PCDHA11: variants seen among roughly 807,000 people sequenced by gnomAD.
PCDHA11 encodes the protein protocadherin alpha-11.
Under a neutral mutation model 70.3 loss-of-function variants are expected in PCDHA11, and 61 were observed. The ratio of observed to expected loss-of-function variants is 0.87; its 90% CI spans 0.71 to 1.07. The LOEUF (loss-of-function observed/expected upper bound fraction) is 1.07. Ranked by LOEUF, PCDHA11 falls within the 50% of genes least tolerant of loss-of-function variation. The pLI, the probability that PCDHA11 is intolerant of heterozygous loss-of-function variation, is 0.00. For synonymous variants in PCDHA11, 633 were observed against 555.1 expected (o/e 1.14, Z -1.97); for missense variants, 1,324 against 1,237.5 (o/e 1.07, Z -1.05).
rs1554163904 is a variant in PCDHA11 at position 140,870,206 on chromosome 5, T to G, written c.1103T>G (p.Ile368Ser). ...GAGGACGCTCAGCCCAGCACGGTCA[T>G]TGCCCTGATCAGCGTGTCTGACCGT... The part of the protein sequence containing the change: ...VREDAQPSTV[I>S]ALISVSDRDS... The change falls in exon 1 of 4, where the codon ATT becomes AGT. Residue 368 changes from isoleucine to serine, a missense_variant. Transcript: ENST00000398640. The G allele has an allele frequency of 1.2e-6, 2 of 1,614,182 alleles. No individual in the cohort carries two copies. The highest frequency in any genetic ancestry group is 3.3e-5 in the Admixed American group (2 of 60,032).
rs1160091003 is a variant in PCDHA11, at chr5:140,870,699, C to T, written c.1596C>T (p.Phe532=). ...ACGAGGAGCTGGAGCTGCTACAGTTCCAGGTGAGCGCGCGCGATGCGGGCG... is the reference window on the plus strand; with the variant it reads ...ACGAGGAGCTGGAGCTGCTACAGTTTCAGGTGAGCGCGCGCGATGCGGGCG... The part of the protein sequence containing the change: ...LDHEELELLQ[F]QVSARDAGVP... The change falls in exon 1 of 4, where the codon TTC becomes TTT. Residue 532 remains phenylalanine, a synonymous_variant. Coordinates refer to ENST00000398640, the MANE Select transcript of PCDHA11 (RefSeq NM_018902.5). 1 of 1,613,004 alleles carries T rather than the reference C, an allele frequency of 6.2e-7. No individual in the cohort carries two copies.
In PCDHA11 at chr5:140,924,908, AAAT is replaced by A. The variant is rs1554202345; in HGVS notation, c.2391+53417_2391+53419del. ...AGAACCTGTCTCAAAAAAAAAAATA[AAAT>A]AAAATAAAATAAAATAAAATAAAAT... On this transcript the variant is annotated intron_variant, in intron 1 of 3. Coordinates refer to ENST00000398640, the MANE Select transcript of PCDHA11 (RefSeq NM_018902.5). Among the ~76,000 whole-genome samples the A allele has an allele frequency of 9.0e-4, 53 of 58,926 alleles. 1 individual carries two copies. The highest frequency in any genetic ancestry group is 2.8e-3 in the African/African-American group (51 of 18,360). The allele number at this position is 58,926 out of a possible 152,430, so 38.7% of individuals were successfully genotyped here. A position where few individuals can be genotyped will look rare whatever the true frequency, so the allele number is the denominator to read the frequency against.
chr5:140,884,450 AC>A, intron 1 of PCDHA11: 1 of 1,613,762 alleles, frequency 6.2e-7, no homozygotes, highest in Non-Finnish European at 8.5e-7. Context: ...GGCACCGCCC[AC>A]CGAGGGCGCG....
chr5:140,969,166 C>T lies in PCDHA11; in HGVS notation c.2392-9783C>T, dbSNP rs1554231524. ...GCTACAAGGCCTGTCTGACAGCAGG[C>T]TCAGGGAGTGACACTTTCATGTTTT... On this transcript the variant is annotated intron_variant, in intron 1 of 3. Transcript: ENST00000398640. 2.5e-6 allele frequency: 4 copies of T among 1,614,092 alleles called. No homozygotes were observed. In the South Asian group the frequency reaches 4.4e-5, roughly 18 times the overall value.
chr5:141,005,737 G>A (rs568489145), intron 3 of PCDHA11, among the ~76,000 whole-genome samples: 173 of 143,620 alleles, frequency 1.2e-3, no homozygotes, highest in African/African-American at 4.5e-3. Flanking sequence ...AAAAAGAATG[G>A]ATGAGAAATC....
chr5:140,889,403 C>T (rs1246037388), intron 1 of PCDHA11, among the ~76,000 whole-genome samples: 1 of 151,882 alleles, frequency 6.6e-6, no homozygotes, highest in Non-Finnish European at 1.5e-5. Flanking sequence ...TTAATTTACT[C>T]GAGTCAGTTA....
chr5:140,969,586 C>A lies in PCDHA11; in HGVS notation c.2392-9363C>A. The A allele has an allele frequency of 3.4e-6, 3 of 894,952 alleles. No homozygotes were observed. In the Admixed American group the frequency reaches 9.0e-5, roughly 27 times the overall value. The allele number at this position is 894,952 out of a possible 1,614,324, so 55.4% of individuals were successfully genotyped here. A position where few individuals can be genotyped will look rare whatever the true frequency, so the allele number is the denominator to read the frequency against. ...AATTGTTTGAGAAGTGAGGATTAGT[C>A]TTAATATTTAATGCTAAAACACAGA... On this transcript the variant is annotated intron_variant, in intron 1 of 3. Transcript: ENST00000398640.
intron 2 of PCDHA11, among the ~76,000 whole-genome samples, chr5:140,981,822 G>A (rs1229465317): frequency 6.6e-6 from 1 of 151,926 alleles, no homozygotes; most frequent in Non-Finnish European, 1.5e-5. Flanking sequence ...ATCTCTGCTT[G>A]CCTCTAAAGG....
At chr5:140,924,903 AAAT>A (rs782701584) in intron 1 of PCDHA11, among the ~76,000 whole-genome samples, 3,132 of 54,516 alleles carry the variant, frequency 0.057, 46 homozygotes, top group African/African-American at 0.096. Context: ...TCAAAAAAAA[AAAT>A]AAAATAAAAT....
At chr5:140,989,851 G>C (rs1247481417) in intron 3 of PCDHA11, among the ~76,000 whole-genome samples, 1 of 152,106 alleles carries the variant, frequency 6.6e-6, no homozygotes, top group Non-Finnish European at 1.5e-5. Context: ...TGTGTGGACT[G>C]GAGAGGAATC....
At chr5:140,927,470 G>T in intron 1 of PCDHA11, 3 of 1,614,054 alleles carry the variant, frequency 1.9e-6, no homozygotes, top group South Asian at 2.2e-5. Flanking sequence ...GCACTGGATC[G>T]CGAACAGCGC....
intron 1 of PCDHA11, chr5:140,876,130 C>T: frequency 6.2e-7 from 1 of 1,613,938 alleles, no homozygotes; most frequent in Non-Finnish European, 8.5e-7. Context: ...TGGCGGTAAA[C>T]CAGAACTAAC....
chr5:141,010,107 C>T lies in PCDHA11; in HGVS notation c.*170C>T, dbSNP rs1457376249. On this transcript the variant is annotated 3_prime_UTR_variant, in exon 4 of 4. Coordinates refer to ENST00000398640, the MANE Select transcript of PCDHA11 (RefSeq NM_018902.5). ...CTAGAACGCATTTAACAGGTTTTGT[C>T]GTAAAAGCTTTACTAAGTCTGGTGT... 8.1e-6 allele frequency: 13 copies of T among 1,611,484 alleles called. No individual in the cohort carries two copies. Among genetic ancestry groups the T allele is most frequent in the South Asian group, 4.4e-5 (4 of 90,776 alleles).
intron 1 of PCDHA11, chr5:140,928,422 A>T (rs782264875): frequency 1.2e-6 from 2 of 1,614,136 alleles, no homozygotes; most frequent in Admixed American, 3.3e-5. Context: ...TCACTGCCAA[A>T]ACTTCCTTTG....
At chr5:140,982,268 A>G (rs2096974621) in intron 2 of PCDHA11, 3 of 885,512 alleles carry the variant, frequency 3.4e-6, no homozygotes, top group South Asian at 2.2e-5. Flanking sequence ...TGTTCCTGGA[A>G]TAGTATAGCA....
chr5:140,878,016 G>A, intron 1 of PCDHA11: 2 of 818,388 alleles, frequency 2.4e-6, no homozygotes, highest in Admixed American at 3.6e-5. Context: ...CATTAATGAA[G>A]GAAATATGTA....
At chr5:140,884,063 G>T in intron 1 of PCDHA11, 1 of 1,613,496 alleles carries the variant, frequency 6.2e-7, no homozygotes, top group Non-Finnish European at 8.5e-7. Context: ...CGCGGTGGAC[G>T]CCGATTCGGG....
chr5:140,967,073 G>C (rs1554229137), intron 1 of PCDHA11: 1 of 1,613,160 alleles, frequency 6.2e-7, no homozygotes, highest in Non-Finnish European at 8.5e-7. Context: ...CTTCGTCAAC[G>C]AGCGCATTGA....
rs370640529 is a variant in PCDHA11, at chr5:140,968,552, C to G, written c.2392-10397C>G. 5 of 1,614,184 alleles carry G rather than the reference C, an allele frequency of 3.1e-6. No homozygotes were observed. The East Asian group carries it at 1.1e-4, about 36-fold the overall frequency. ...GTCAGCAGCCTTCGAGATGGTGCCT[C>G]GAACTGCCCCTGCTGGCTACCTGGT... On this transcript the variant is annotated intron_variant, in intron 1 of 3. Coordinates refer to ENST00000398640, the MANE Select transcript of PCDHA11 (RefSeq NM_018902.5).
Sources: allele counts gnomAD v4.1 joint callset (sites outside exome capture counted in the v4.1 genomes callset), GRCh38; gene constraint gnomAD v4.1.1; transcripts MANE v1.5; gene names NCBI Gene and HGNC (gene_info 2026-07-23, HGNC 2026-07-21).